FEZ2: variants seen among roughly 807,000 people sequenced by gnomAD.
FEZ2 encodes the protein fasciculation and elongation protein zeta 2.
In FEZ2, 51 loss-of-function variants were observed where a neutral mutation model predicts 40.4. The ratio of observed to expected loss-of-function variants is 1.26; its 90% confidence interval spans 1.01 to 1.59. The LOEUF (loss-of-function observed/expected upper bound fraction) is 1.59, where lower values mean the gene tolerates loss of function less well. FEZ2 is among the 40% of genes most tolerant of loss of function. The pLI, the probability that FEZ2 is intolerant of heterozygous loss-of-function variation, is 0.00. For missense variants in FEZ2, 640 were observed against 438.3 expected, an observed-to-expected ratio of 1.46 and a Z score of -4.11; for synonymous variants, 242 against 172.0, an observed-to-expected ratio of 1.41 and a Z score of -3.18.
chr2:36,571,528 C>A (rs571864919), intron 5 of FEZ2, among the ~76,000 whole-genome samples: 1 of 151,360 alleles, frequency 6.6e-6, no homozygotes. Context: ...TGCTGGCGGG[C>A]GCCGTCATCC....
intron 5 of FEZ2, among the ~76,000 whole-genome samples, chr2:36,578,169 G>GATACCTCTAA (rs1226945248): frequency 1.3e-5 from 2 of 152,124 alleles, no homozygotes; most frequent in Non-Finnish European, 2.9e-5. Context: ...GCAGAGTTCT[G>GATACCTCTAA]ATACCTCTAA....
chr2:36,594,925 T>C (rs1001783556), intron 1 of FEZ2, among the ~76,000 whole-genome samples: 4 of 152,274 alleles, frequency 2.6e-5, no homozygotes, highest in South Asian at 2.1e-4. Context: ...ACAATGGTAG[T>C]TGGAAGGACA....
At chr2:36,596,871 T>C (rs78956015) in intron 1 of FEZ2, among the ~76,000 whole-genome samples, 1,719 of 152,232 alleles carry the variant, frequency 0.011, 35 homozygotes, top group African/African-American at 0.04. Flanking sequence ...TTACCATCTT[T>C]TGGGGGTAAA....
intron 5 of FEZ2, among the ~76,000 whole-genome samples, chr2:36,559,741 T>G (rs1261660217): frequency 6.6e-6 from 1 of 152,210 alleles, no homozygotes; most frequent in African/African-American, 2.4e-5. Flanking sequence ...CCTGGCCCGC[T>G]CTCTGGCTAC....
chr2:36,597,882 C>A lies in FEZ2; in HGVS notation c.261G>T (p.Gly87=). 2 of 1,369,938 alleles carry A rather than the reference C, an allele frequency of 1.5e-6. No individual in the cohort carries two copies. Among genetic ancestry groups the A allele is most frequent in the Non-Finnish European group, 1.9e-6 (2 of 1,068,154 alleles). 84.9% of individuals were successfully genotyped at this position (1,369,938 alleles called of 1,614,324 possible). ...GGCCGGGGCCCCGCACTCACTCGTCCCCCTGCAGGAGGCTGCGCTCCGTGA... is the reference window on the plus strand; with the variant it reads ...GGCCGGGGCCCCGCACTCACTCGTCACCCTGCAGGAGGCTGCGCTCCGTGA... The part of the protein sequence containing the change: ...RPITERSLLQ[G]DEIWNALTDN... The change falls in exon 1 of 8, where the codon GGG becomes GGT. Residue 87 remains glycine (G), a synonymous_variant. Transcript: ENST00000405912.
chr2:36,594,098 C>T lies in FEZ2; in HGVS notation c.267-3087G>A, dbSNP rs925889254. Among the ~76,000 whole-genome samples the T allele has an allele frequency of 1.3e-5, 2 of 151,986 alleles. 1 individual carries two copies. Among genetic ancestry groups the T allele is most frequent in the East Asian group, 4.0e-4 (2 of 5,034 alleles). On this transcript the variant is annotated intron_variant, in intron 1 of 7. Transcript: ENST00000405912. ...CAAGGGTCATCTTTGCTCCAGTTCC[C>T]AACAACTTCCTCATCTCCATCTGAG...
At position 36,572,054 on chromosome 2, in the gene FEZ2, G is replaced by GA. The variant is rs1188150640; in HGVS notation, c.903+6542dup. 3.3e-5 allele frequency among the ~76,000 whole-genome samples: 5 copies of GA among 149,528 alleles called. No homozygotes were observed. In the East Asian group the frequency reaches 5.9e-4, roughly 18 times the overall value. On this transcript the variant is annotated intron_variant, in intron 5 of 7. Coordinates refer to ENST00000405912, the MANE Select transcript of FEZ2 (RefSeq NM_005102.3). Reference sequence around the variant, plus strand: ...AAAAAAAAAAAAAAAAGATAAAGGGGAAAAAAACTCATGCCTTTTCCACTT... The same window carrying GA: ...AAAAAAAAAAAAAAAAGATAAAGGGGAAAAAAAACTCATGCCTTTTCCACTT...
chr2:36,572,764 GA>G (rs1668453827), intron 5 of FEZ2, among the ~76,000 whole-genome samples: 1 of 152,076 alleles, frequency 6.6e-6, no homozygotes, highest in Non-Finnish European at 1.5e-5. Flanking sequence ...AAGAAGGGGG[GA>G]AAAAGCCAGG....
chr2:36,580,792 G>C (rs848639), intron 4 of FEZ2, among the ~76,000 whole-genome samples: 70,848 of 151,986 alleles, frequency 0.47, 17,759 homozygotes, highest in East Asian at 0.85. Flanking sequence ...GGTCTTTAAA[G>C]AGGTAATTAC....
At chr2:36,559,256 T>G (rs2125219747) in intron 5 of FEZ2, 1 of 152,342 alleles carries the variant, frequency 6.6e-6, no homozygotes, top group Non-Finnish European at 1.5e-5. Context: ...GTCTTTTAAC[T>G]AATCCCATGA....
intron 4 of FEZ2, 129 bp from the exon 5 acceptor site, chr2:36,578,994 C>CATTGCTGCACA: frequency 1.4e-6 from 1 of 739,632 alleles, no homozygotes; most frequent in Admixed American, 2.7e-5. Context: ...AATCATATTC[C>CATTGCTGCACA]AAGCAATTAA....
Position 36,598,144 on chromosome 2 carries a change from G to GCCGCCCGGAGCAGTCGCGCGCC in FEZ2, c.-24_-3dup. The GCCGCCCGGAGCAGTCGCGCGCC allele has an allele frequency of 6.8e-7, 1 of 1,468,644 alleles. No individual in the cohort carries two copies. The highest frequency in any genetic ancestry group is 2.4e-4 in the Middle Eastern group (1 of 4,180). 91.0% of individuals were successfully genotyped at this position (1,468,644 alleles called of 1,614,324 possible). A position where few individuals can be genotyped will look rare whatever the true frequency, so the allele number is the denominator to read the frequency against. ...CTGCCAGTCCCCGTCCGCCGCCATC[G>GCCGCCCGGAGCAGTCGCGCGCC]CCGCCCGGAGCAGTCGCGCGCCCCG... is the stretch of plus-strand genomic sequence containing the variant. On this transcript the variant is annotated 5_prime_UTR_variant, in exon 1 of 8. Coordinates refer to ENST00000405912, the MANE Select transcript of FEZ2 (RefSeq NM_005102.3).
chr2:36,560,827 A>AT, intron 5 of FEZ2: 1 of 1,611,878 alleles, frequency 6.2e-7, no homozygotes, highest in Non-Finnish European at 8.5e-7. Context: ...GGCGGAGGCC[A>AT]TTCTGAATGA....
chr2:36,553,185 A>G lies in FEZ2; in HGVS notation c.1046-6T>C, dbSNP rs1558437777. The G allele has an allele frequency of 6.4e-7, 1 of 1,552,764 alleles. No individual in the cohort carries two copies. The highest frequency in any genetic ancestry group is 2.4e-5 in the East Asian group (1 of 42,024). On this transcript the variant is annotated splice_region_variant and splice_polypyrimidine_tract_variant and intron_variant, in intron 7 of 7. Coordinates refer to ENST00000405912, the MANE Select transcript of FEZ2 (RefSeq NM_005102.3). The stretch of plus-strand genomic sequence containing the variant: ...GCTCTATGTAGGACACAGAACTAGA[A>G]GAAAAAGAGAACTTTTAGCTACAAA...
chr2:36,595,791 G>A (rs867940610), intron 1 of FEZ2, among the ~76,000 whole-genome samples: 6 of 152,318 alleles, frequency 3.9e-5, no homozygotes, highest in Non-Finnish European at 7.4e-5. Context: ...GATTTCATAT[G>A]CATTCCCAAG....
chr2:36,597,234 C>A (rs1256150584), intron 1 of FEZ2, among the ~76,000 whole-genome samples: 1 of 152,098 alleles, frequency 6.6e-6, no homozygotes, highest in Non-Finnish European at 1.5e-5. Context: ...CCACCTAGAA[C>A]GTTAGACTTT....
Position 36,579,085 on chromosome 2 carries a change from C to T in FEZ2, c.635-220G>A, listed in dbSNP as rs1668661516. ...TAGAGGTAAGTGGGCAGGTGAGTCACTTCTCAGCTTGCTGGCAAGAAAGTC... is the reference window on the plus strand; with the variant it reads ...TAGAGGTAAGTGGGCAGGTGAGTCATTTCTCAGCTTGCTGGCAAGAAAGTC... On this transcript the variant is annotated intron_variant, in intron 4 of 7. Transcript: ENST00000405912. 35 of 465,304 alleles carry T rather than the reference C, an allele frequency of 7.5e-5. No homozygotes were observed. The South Asian group carries it at 7.8e-4, about 10-fold the overall frequency. 28.8% of individuals were successfully genotyped at this position (465,304 alleles called of 1,614,324 possible). A position where few individuals can be genotyped will look rare whatever the true frequency, so the allele number is the denominator to read the frequency against.
chr2:36,584,831 G>A (rs911248945), intron 2 of FEZ2, among the ~76,000 whole-genome samples: 1 of 152,168 alleles, frequency 6.6e-6, no homozygotes, highest in African/African-American at 2.4e-5. Context: ...AGCCTACAGA[G>A]TAAGAAACCT....
intron 5 of FEZ2, among the ~76,000 whole-genome samples, chr2:36,563,084 T>C (rs1668134873): frequency 6.6e-6 from 1 of 152,224 alleles, no homozygotes; most frequent in Non-Finnish European, 1.5e-5. Flanking sequence ...AAAACAAAAG[T>C]TGATGCAGTT....
Sources: allele counts gnomAD v4.1 joint callset (sites outside exome capture counted in the v4.1 genomes callset), GRCh38; gene constraint gnomAD v4.1.1; transcripts MANE v1.5; gene names NCBI Gene and HGNC (gene_info 2026-07-23, HGNC 2026-07-21).